STAM: variants seen among roughly 807,000 people sequenced by gnomAD.
STAM encodes signal transducing adapter molecule 1.
In STAM, 16 loss-of-function variants were observed where a neutral mutation model predicts 63.4. That is an observed-to-expected ratio of 0.25 (90% CI 0.17 to 0.38). The LOEUF is 0.38. Among genes scored for constraint, STAM ranks in the 10% least tolerant of loss-of-function variants. STAM has a pLI of 1.00. For missense variants in STAM, 636 were observed against 657.1 expected (o/e 0.97, Z 0.35); for synonymous variants, 238 against 223.9 (o/e 1.06, Z -0.56).
intron 2 of STAM, among the ~76,000 whole-genome samples, chr10:17,684,196 C>T (rs1554825816): frequency 6.6e-6 from 1 of 152,188 alleles, no homozygotes; most frequent in African/African-American, 2.4e-5. Context: ...TGGAAAGTGC[C>T]TCTAGGCAGA....
chr10:17,674,836 C>T (rs1834779827), intron 2 of STAM, among the ~76,000 whole-genome samples: 1 of 152,000 alleles, frequency 6.6e-6, no homozygotes. Context: ...TGAATCAGAA[C>T]TTTGAACTTA....
At position 17,715,019 on chromosome 10, in the gene STAM, T is replaced by C; in HGVS notation, c.*239T>C. On this transcript the variant is annotated 3_prime_UTR_variant, in exon 14 of 14. Transcript: ENST00000377524. Reference sequence around the variant, plus strand: ...ACAACATTTAATTCCTTTCATAATATGAAAGAATTGATACAAGGCTATTTG... The same window carrying C: ...ACAACATTTAATTCCTTTCATAATACGAAAGAATTGATACAAGGCTATTTG... 1 of 498,006 alleles carries C rather than the reference T, an allele frequency of 2.0e-6. No homozygotes were observed. 30.8% of individuals were successfully genotyped at this position (498,006 alleles called of 1,614,324 possible). A position where few individuals can be genotyped will look rare whatever the true frequency, so the allele number is the denominator to read the frequency against.
chr10:17,692,510 G>A (rs1327622937), intron 5 of STAM, among the ~76,000 whole-genome samples: 2 of 152,120 alleles, frequency 1.3e-5, no homozygotes, highest in African/African-American at 4.8e-5. Flanking sequence ...CAGAATGGTT[G>A]GAAATGAGGT....
chr10:17,685,598 G>C (rs993371007), intron 4 of STAM, among the ~76,000 whole-genome samples: 4 of 152,198 alleles, frequency 2.6e-5, no homozygotes, highest in Non-Finnish European at 5.9e-5. Context: ...GCTGGTTTCT[G>C]TGTGTTTAGC....
Position 17,705,016 on chromosome 10 carries a change from T to C in STAM, c.1047T>C (p.Asp349=), listed in dbSNP as rs782351109. ...MGPLIDEKLE[D]IDRKHSELSE... Reference sequence around the variant, plus strand: ...CTCTCATTGATGAAAAGCTGGAAGATATTGATAGGTAAAAGAACATGGGTG... The same window carrying C: ...CTCTCATTGATGAAAAGCTGGAAGACATTGATAGGTAAAAGAACATGGGTG... The change falls in exon 11 of 14, where the codon GAT becomes GAC. Residue 349 remains aspartate (D), a synonymous_variant. Coordinates refer to ENST00000377524, the MANE Select transcript of STAM (RefSeq NM_003473.4). The C allele has an allele frequency of 3.7e-6, 6 of 1,613,244 alleles. No individual in the cohort carries two copies. Among genetic ancestry groups the C allele is most frequent in the Non-Finnish European group, 5.1e-6 (6 of 1,179,560 alleles).
intron 2 of STAM, among the ~76,000 whole-genome samples, chr10:17,681,720 A>G (rs1254571711): frequency 6.6e-6 from 1 of 152,246 alleles, no homozygotes; most frequent in Non-Finnish European, 1.5e-5. Context: ...TGTCCAGAAC[A>G]TAGCATGTTT....
In STAM at chr10:17,660,481, A is replaced by G; in HGVS notation, c.58A>G (p.Met20Val). Residue 20 changes from methionine (M) to valine (V), a missense_variant, in exon 2 of 14, where the codon ATG becomes GTG. Met to Val is a conservative substitution (Grantham distance 21). Around this residue, in one of 3 missense-constraint regions of STAM, gnomAD observed 87 missense variants for 80.3 expected, o/e 1.08. Coordinates refer to ENST00000377524, the MANE Select transcript of STAM (RefSeq NM_003473.4). ...DQDVEKATSE[M>V]NTAEDWGLIL... is the part of the protein sequence containing the mutation. ...ATCTACAGAGAAAGCAACCAGCGAG[A>G]TGAATACTGCTGAGGACTGGGGCCT... 6.2e-7 allele frequency: 1 copy of G among 1,601,070 alleles called. No homozygotes were observed. The highest frequency in any genetic ancestry group is 8.5e-7 in the Non-Finnish European group (1 of 1,173,916).
intron 1 of STAM, among the ~76,000 whole-genome samples, chr10:17,650,187 A>G (rs1833681910): frequency 6.6e-6 from 1 of 152,218 alleles, no homozygotes; most frequent in Admixed American, 6.5e-5. Context: ...TATGATAGAA[A>G]GACCTTGGGC....
At chr10:17,667,720 A>G (rs557479877) in intron 2 of STAM, among the ~76,000 whole-genome samples, 1 of 152,256 alleles carries the variant, frequency 6.6e-6, no homozygotes, top group Non-Finnish European at 1.5e-5. Context: ...TGGAAAATAA[A>G]AAGGTAGACT....
intron 2 of STAM, among the ~76,000 whole-genome samples, chr10:17,663,825 T>G (rs1175195607): frequency 6.6e-6 from 1 of 152,104 alleles, no homozygotes; most frequent in Non-Finnish European, 1.5e-5. Flanking sequence ...ATAATACTGT[T>G]TAACATACAT....
In STAM at chr10:17,716,117, C is replaced by T. The variant is rs563036868; in HGVS notation, c.*1337C>T. Among the ~76,000 whole-genome samples, 2 of 152,090 alleles carry T rather than the reference C, an allele frequency of 1.3e-5. No homozygotes were observed. The highest frequency in any genetic ancestry group is 3.9e-4 in the East Asian group (2 of 5,182). On this transcript the variant is annotated 3_prime_UTR_variant, in exon 14 of 14. Transcript: ENST00000377524. ...GTAATCTTAAATATTTACGATTTCC[C>T]TGGTTGGGCTATACTATTATTTTAG...
chr10:17,702,336 GA>G (rs1836034140), intron 9 of STAM, among the ~76,000 whole-genome samples: 1 of 152,062 alleles, frequency 6.6e-6, no homozygotes, highest in East Asian at 1.9e-4. Flanking sequence ...TTTTGGAGGG[GA>G]AATTGAGTAG....
At chr10:17,714,191 A>G (rs1353595269) in intron 13 of STAM, among the ~76,000 whole-genome samples, 2 of 152,108 alleles carry the variant, frequency 1.3e-5, no homozygotes, top group Admixed American at 6.5e-5. Context: ...TGTCCTCCGT[A>G]TTGGGCTTTG....
At chr10:17,654,550 T>C (rs1833866171) in intron 1 of STAM, among the ~76,000 whole-genome samples, 1 of 152,168 alleles carries the variant, frequency 6.6e-6, no homozygotes, top group Admixed American at 6.5e-5. Flanking sequence ...GGTCAATGTG[T>C]TACTATGACT....
chr10:17,697,000 A>C (rs1302472474), intron 8 of STAM, 131 bp downstream of exon 8: 2 of 639,062 alleles, frequency 3.1e-6, no homozygotes, highest in Admixed American at 2.6e-5. Context: ...GATCATTGCA[A>C]CCTCCGCCTC....
chr10:17,676,809 G>A lies in STAM; in HGVS notation c.126-7866G>A, dbSNP rs559051255. Among the ~76,000 whole-genome samples, 10 of 152,158 alleles carry A rather than the reference G, an allele frequency of 6.6e-5. No homozygotes were observed. The South Asian group carries it at 1.0e-3, about 16-fold the overall frequency. On this transcript the variant is annotated intron_variant, in intron 2 of 13. Coordinates refer to ENST00000377524, the MANE Select transcript of STAM (RefSeq NM_003473.4). ...GGATAATAGCCAGAAGTATACTCAC[G>A]TTAAATTCACTTATAATCCCCAAAC...
chr10:17,671,186 T>C (rs1418200579), intron 2 of STAM, among the ~76,000 whole-genome samples: 1 of 152,230 alleles, frequency 6.6e-6, no homozygotes, highest in African/African-American at 2.4e-5. Context: ...TGCATGCACA[T>C]ACTCCTCCTT....
At chr10:17,700,312 C>G in intron 9 of STAM, 33 bp downstream of exon 9, 1 of 1,484,452 alleles carries the variant, frequency 6.7e-7, no homozygotes, top group South Asian at 1.3e-5. Context: ...GGAGTTGGTA[C>G]TTTGTATTGA....
At chr10:17,684,779 C>G in intron 3 of STAM, 29 bp downstream of exon 3, 1 of 1,613,318 alleles carries the variant, frequency 6.2e-7, no homozygotes, top group Non-Finnish European at 8.5e-7. Context: ...ATCTGTACCA[C>G]GAAATTACCT....
Sources: gnomAD v4.1 joint callset for allele counts (sites outside exome capture counted in the v4.1 genomes callset) on GRCh38, gnomAD v4.1.1 for gene constraint, gnomAD v4.1.1 regional missense constraint, MANE v1.5 for transcripts, NCBI Gene and HGNC (gene_info 2026-07-23, HGNC 2026-07-21) for gene names.